Variants in NRXN1 observed in about 807,000 individuals in gnomAD.
The protein encoded by NRXN1 is neurexin-1.
In NRXN1, 39 loss-of-function variants were observed where a neutral mutation model predicts 150.9. The observed-to-expected ratio is 0.26, with a 90% confidence interval of 0.20 to 0.34. NRXN1 has a LOEUF of 0.34. Among genes scored for constraint, NRXN1 ranks in the 10% least tolerant of loss-of-function variants. NRXN1 has a pLI of 1.00. For missense variants in NRXN1, 1,815 were observed against 1,949.9 expected, an observed-to-expected ratio of 0.93 and a Z score of 1.30; for synonymous variants, 924 against 757.0, an observed-to-expected ratio of 1.22 and a Z score of -3.62.
At chr2:50,577,600 T>C (rs745464404) in intron 8 of NRXN1, among the ~76,000 whole-genome samples, 1 of 152,032 alleles carries the variant, frequency 6.6e-6, no homozygotes, top group East Asian at 1.9e-4. Context: ...AAAATGCCAA[T>C]AAAGGAGAAT....
intron 17 of NRXN1, among the ~76,000 whole-genome samples, chr2:50,399,289 A>G (rs1356657808): frequency 1.3e-5 from 2 of 152,154 alleles, no homozygotes; most frequent in African/African-American, 2.4e-5. Context: ...CCCTCATATA[A>G]GAATGGGTTA....
At chr2:50,984,037 G>A (rs998490918) in intron 2 of NRXN1, among the ~76,000 whole-genome samples, 1 of 150,414 alleles carries the variant, frequency 6.6e-6, no homozygotes, top group Non-Finnish European at 1.5e-5. Context: ...GCATGATCTC[G>A]ACTCACTGCA....
intron 17 of NRXN1, among the ~76,000 whole-genome samples, chr2:50,389,116 T>C (rs2081517678): frequency 6.6e-6 from 1 of 151,714 alleles, no homozygotes; most frequent in Non-Finnish European, 1.5e-5. Flanking sequence ...TGCAGTGAGC[T>C]GAGACTGTAC....
intron 2 of NRXN1, among the ~76,000 whole-genome samples, chr2:50,945,110 G>A (rs978130229): frequency 6.6e-5 from 10 of 152,118 alleles, no homozygotes; most frequent in African/African-American, 1.2e-4. Context: ...AGGATTTCCC[G>A]ACCTTAAAGC....
At chr2:50,710,626 A>G (rs1457743816) in intron 5 of NRXN1, among the ~76,000 whole-genome samples, 1 of 152,188 alleles carries the variant, frequency 6.6e-6, no homozygotes, top group East Asian at 1.9e-4. Flanking sequence ...CCATCTTTGA[A>G]TAAGTTAAGA....
intron 8 of NRXN1, among the ~76,000 whole-genome samples, chr2:50,618,799 T>C (rs938106091): frequency 1.3e-5 from 2 of 150,918 alleles, no homozygotes; most frequent in African/African-American, 4.9e-5. Context: ...TAATAATAAT[T>C]AGATTATCAT....
At chr2:50,035,966 C>G (rs770982758) in intron 21 of NRXN1, among the ~76,000 whole-genome samples, 1 of 152,120 alleles carries the variant, frequency 6.6e-6, no homozygotes, top group Non-Finnish European at 1.5e-5. Context: ...GTCAGCTAAA[C>G]AAATTAGCTG....
chr2:50,967,359 T>C (rs1454897341), intron 2 of NRXN1, among the ~76,000 whole-genome samples: 1 of 152,038 alleles, frequency 6.6e-6, no homozygotes, highest in Non-Finnish European at 1.5e-5. Flanking sequence ...CATTTTTCTT[T>C]ATAACAAATT....
intron 8 of NRXN1, among the ~76,000 whole-genome samples, chr2:50,614,722 T>C (rs1218845359): frequency 1.1e-5 from 1 of 88,812 alleles, no homozygotes; most frequent in Non-Finnish European, 2.1e-5. Flanking sequence ...ATTAAACTAA[T>C]ATCAGCCATT....
intron 18 of NRXN1, among the ~76,000 whole-genome samples, chr2:50,102,180 G>C (rs959801995): frequency 6.6e-6 from 1 of 151,878 alleles, no homozygotes; most frequent in Non-Finnish European, 1.5e-5. Flanking sequence ...AATCTCTAAG[G>C]CAGAAATTCC....
intron 2 of NRXN1, among the ~76,000 whole-genome samples, chr2:50,948,434 C>T (rs1203326772): frequency 6.6e-6 from 1 of 151,966 alleles, no homozygotes; most frequent in African/African-American, 2.4e-5. Context: ...AAAAAACACA[C>T]TTAAAATATA....
chr2:50,506,409 A>T (rs2092223675), intron 13 of NRXN1, 86 bp downstream of exon 13: 2 of 1,261,052 alleles, frequency 1.6e-6, no homozygotes, highest in South Asian at 3.2e-5. Flanking sequence ...CAAGTTGTGT[A>T]CCAGCCTTGG....
intron 5 of NRXN1, among the ~76,000 whole-genome samples, chr2:50,753,052 G>A (rs2105339029): frequency 6.6e-6 from 1 of 151,828 alleles, no homozygotes; most frequent in Admixed American, 6.6e-5. Context: ...TTTCATCTGA[G>A]GAAAAATGTA....
At chr2:50,168,033 TTTTTTTTTTCAATTCCTCTGTTTGCAATG>T (rs2059792632) in intron 18 of NRXN1, among the ~76,000 whole-genome samples, 1 of 100,834 alleles carries the variant, frequency 9.9e-6, no homozygotes, top group Non-Finnish European at 2.0e-5. Flanking sequence ...TTTCCAAAGG[TTTTTTTTTTCAATTCCTCTGTTTGCAATG>T]CAGCAATATC....
In NRXN1 at chr2:51,027,575, C is replaced by A; in HGVS notation, c.699G>T (p.Val233=). 1 of 1,605,722 alleles carries A rather than the reference C, an allele frequency of 6.2e-7. No homozygotes were observed. Among genetic ancestry groups the A allele is most frequent in the Non-Finnish European group, 8.5e-7 (1 of 1,174,776 alleles). ...GEGGVCLNGG[V]CSVVDDQAVC... is the part of the protein sequence containing the mutation. The stretch of plus-strand genomic sequence containing the variant: ...CGGCCTGGTCGTCCACCACGGAGCA[C>A]ACACCTCCGTTGAGGCACACCCCGC... Residue 233 remains valine (V), a synonymous_variant, in exon 2 of 23, where the codon GTG becomes GTT. Transcript: ENST00000401669.
chr2:50,102,658 G>A (rs1447104807), intron 18 of NRXN1, among the ~76,000 whole-genome samples: 1 of 152,032 alleles, frequency 6.6e-6, no homozygotes, highest in Non-Finnish European at 1.5e-5. Context: ...AGGATAGCAT[G>A]AGAGGAACTG....
chr2:50,095,357 C>A (rs1202804759), intron 18 of NRXN1, among the ~76,000 whole-genome samples: 1 of 152,140 alleles, frequency 6.6e-6, no homozygotes, highest in East Asian at 1.9e-4. Flanking sequence ...ACAACAAGTA[C>A]AGGAAGATAT....
rs539210715 is a variant in NRXN1, at chr2:50,728,981, C to G, written c.833-105366G>C. On this transcript the variant is annotated intron_variant, in intron 5 of 22. Coordinates refer to ENST00000401669, the MANE Select transcript of NRXN1 (RefSeq NM_001330078.2). ...TATTATCCATTATTTTTAGAAGGGT[C>G]TAATATGCTACTGTGAAACCTTTTT... 2.9e-4 allele frequency among the ~76,000 whole-genome samples: 44 copies of G among 152,192 alleles called. 1 individual carries two copies. The South Asian group carries it at 4.4e-3, about 15-fold the overall frequency.
At chr2:50,117,881 C>T (rs771219672) in intron 18 of NRXN1, among the ~76,000 whole-genome samples, 58 of 151,938 alleles carry the variant, frequency 3.8e-4, no homozygotes, top group South Asian at 2.5e-3. Flanking sequence ...AATTGGCCCA[C>T]GGCCTCTATT....
Sources: gnomAD v4.1 joint callset for allele counts (sites outside exome capture counted in the v4.1 genomes callset) on GRCh38, gnomAD v4.1.1 for gene constraint, MANE v1.5 for transcripts, NCBI Gene and HGNC (gene_info 2026-07-23, HGNC 2026-07-21) for gene names.